ATP2A3: variants seen among roughly 807,000 people sequenced by gnomAD.
The protein encoded by ATP2A3 is ATPase sarcoplasmic/endoplasmic reticulum Ca2+ transporting 3, also known as sarcoplasmic/endoplasmic reticulum calcium ATPase 3.
A neutral mutation model predicts 106.8 loss-of-function variants in ATP2A3; 61 were observed. The ratio of observed to expected loss-of-function variants is 0.57; its 90% confidence interval spans 0.46 to 0.71. ATP2A3 has a LOEUF of 0.71. Among genes scored for constraint, ATP2A3 ranks in the 30% least tolerant of loss-of-function variants. ATP2A3 has a pLI of 0.00. For missense variants in ATP2A3, 1,201 were observed against 1,423.5 expected (o/e 0.84, Z 2.52); for synonymous variants, 611 against 609.3 (o/e 1.00, Z -0.04).
chr17:3,958,731 CACATATATATAGA>C, intron 1 of ATP2A3, among the ~76,000 whole-genome samples: 1 of 76,266 alleles, frequency 1.3e-5, no homozygotes, highest in Non-Finnish European at 2.5e-5. Flanking sequence ...CATATATATA[CACATATATATAGA>C]CACACATATA....
intron 14 of ATP2A3, 87 bp downstream of exon 14, chr17:3,940,884 C>T: frequency 7.0e-7 from 1 of 1,425,260 alleles, no homozygotes; most frequent in Non-Finnish European, 9.9e-7. Context: ...AAGAATGAGG[C>T]AGAGGGGAGA....
intron 1 of ATP2A3, among the ~76,000 whole-genome samples, chr17:3,954,746 C>A (rs1246139284): frequency 6.6e-6 from 1 of 152,044 alleles, no homozygotes; most frequent in Non-Finnish European, 1.5e-5. Context: ...CTGCCCGCCT[C>A]GGCCTCCCAA....
intron 14 of ATP2A3, among the ~76,000 whole-genome samples, chr17:3,939,015 A>C (rs982411697): frequency 1.3e-4 from 20 of 152,138 alleles, no homozygotes; most frequent in Admixed American, 1.2e-3. Context: ...AAAAATTAAA[A>C]AATTAGCCAG....
Position 3,930,604 on chromosome 17 carries a change from C to T in ATP2A3, c.2611-170G>A, listed in dbSNP as rs940302995. The T allele has an allele frequency of 6.0e-5, 38 of 633,442 alleles. No individual in the cohort carries two copies. The Middle Eastern group carries it at 1.9e-3, about 31-fold the overall frequency. The allele number at this position is 633,442 out of a possible 1,614,324, so 39.2% of individuals were successfully genotyped here. ...CGGGAGGGGTGCGGGGTCGGGGCGGCGGTGGGGAGAGCTGCACCGTGCCAG... is the reference window on the plus strand; with the variant it reads ...CGGGAGGGGTGCGGGGTCGGGGCGGTGGTGGGGAGAGCTGCACCGTGCCAG... On this transcript the variant is annotated intron_variant, in intron 17 of 20. Coordinates refer to ENST00000397041, the MANE Select transcript of ATP2A3 (RefSeq NM_005173.4). This position sits in a 1 kb window ranked among gnomAD's most constrained non-coding sequence, Gnocchi z 5.4.
At chr17:3,934,742 C>T (rs558163096) in intron 17 of ATP2A3, among the ~76,000 whole-genome samples, 10 of 151,122 alleles carry the variant, frequency 6.6e-5, no homozygotes, top group East Asian at 2.0e-4. Flanking sequence ...CGGCTGGTCT[C>T]GAACTCCTGA....
chr17:3,949,127 C>CAAAA (rs869265323), intron 7 of ATP2A3, among the ~76,000 whole-genome samples: 2 of 60,010 alleles, frequency 3.3e-5, no homozygotes, highest in African/African-American at 7.3e-5. Flanking sequence ...GACTCTGTCT[C>CAAAA]AAAAAAAAAA....
intron 8 of ATP2A3, among the ~76,000 whole-genome samples, chr17:3,945,558 A>T (rs1173270817): frequency 6.6e-6 from 1 of 152,192 alleles, no homozygotes; most frequent in African/African-American, 2.4e-5. Flanking sequence ...GCCTTCAAGG[A>T]AATGAGTTCC....
intron 1 of ATP2A3, among the ~76,000 whole-genome samples, chr17:3,960,335 C>T (rs532425725): frequency 2.6e-5 from 4 of 152,348 alleles, no homozygotes; most frequent in East Asian, 1.9e-4. Context: ...AGAGCCAAGA[C>T]GCCGCTGGCA....
At chr17:3,939,951 G>T (rs2053653350) in intron 14 of ATP2A3, among the ~76,000 whole-genome samples, 1 of 149,858 alleles carries the variant, frequency 6.7e-6, no homozygotes, top group Non-Finnish European at 1.5e-5. Flanking sequence ...CGAAAACAGT[G>T]ATCGCCTGTT....
chr17:3,939,560 G>C (rs532987246), intron 14 of ATP2A3, among the ~76,000 whole-genome samples: 16 of 151,992 alleles, frequency 1.1e-4, no homozygotes, highest in Middle Eastern at 3.4e-3. Flanking sequence ...AGGCTGAGGC[G>C]GGCGGATCAC....
intron 17 of ATP2A3, among the ~76,000 whole-genome samples, chr17:3,931,861 G>C (rs1199886337): frequency 6.6e-6 from 1 of 152,172 alleles, no homozygotes; most frequent in African/African-American, 2.4e-5. Context: ...CATGTGCTGT[G>C]AACATAATCC....
At position 3,942,716 on chromosome 17, in the gene ATP2A3, T is replaced by A; in HGVS notation, c.1435A>T (p.Met479Leu). ...AACTCCAGGGTGAACTCCTTCCGCA[T>A]CAGCTGCTTGATGACCTGCGGGGTC... is the stretch of plus-strand genomic sequence containing the variant. ...GACNTVIKQL[M>L]RKEFTLEFSR... Residue 479 changes from methionine to leucine, a missense_variant, in exon 12 of 21, where the codon ATG becomes TTG. Transcript: ENST00000397041. 1.9e-6 allele frequency: 3 copies of A among 1,613,314 alleles called. No individual in the cohort carries two copies. Among genetic ancestry groups the A allele is most frequent in the Non-Finnish European group, 2.5e-6 (3 of 1,179,890 alleles).
intron 1 of ATP2A3, among the ~76,000 whole-genome samples, chr17:3,960,368 A>G (rs1597687090): frequency 6.6e-6 from 1 of 152,246 alleles, no homozygotes; most frequent in South Asian, 2.1e-4. Flanking sequence ...TGGACCACTC[A>G]TCCCACCTGG....
intron 10 of ATP2A3, 106 bp downstream of exon 10, chr17:3,944,598 C>A (rs966066791): frequency 1.6e-6 from 2 of 1,215,308 alleles, no homozygotes; most frequent in Non-Finnish European, 2.4e-6. Flanking sequence ...GGGTGTGGCA[C>A]TTCCAGGGAG....
chr17:3,954,362 C>A (rs2054632479), intron 1 of ATP2A3, among the ~76,000 whole-genome samples: 1 of 151,900 alleles, frequency 6.6e-6, no homozygotes, highest in African/African-American at 2.4e-5. Context: ...GGTGCAGTCC[C>A]CCCCAGGCCC....
chr17:3,953,274 G>A lies in ATP2A3; in HGVS notation c.219+73C>T, dbSNP rs1055725105. ...GGACAGGCCCAGGCTCCAGGACCTC[G>A]GAGCACTGCCCAGCCTGGCTCTCCC... On this transcript the variant is annotated intron_variant, in intron 3 of 20. Coordinates refer to ENST00000397041, the MANE Select transcript of ATP2A3 (RefSeq NM_005173.4). The surrounding 1 kb of genome is among the most constrained non-coding windows in gnomAD (Gnocchi z 5.1). 46 of 1,533,520 alleles carry A rather than the reference G, an allele frequency of 3.0e-5. No individual in the cohort carries two copies. In the Admixed American group the frequency reaches 3.3e-4, roughly 11 times the overall value. The allele number at this position is 1,533,520 out of a possible 1,614,324, so 95.0% of individuals were successfully genotyped here.
chr17:3,943,921 TC>T (rs2053931839), intron 10 of ATP2A3, among the ~76,000 whole-genome samples: 1 of 151,958 alleles, frequency 6.6e-6, no homozygotes, highest in South Asian at 2.1e-4. Flanking sequence ...AGGCCACCTC[TC>T]CCACTCTCTG....
rs2054727167 is a variant in ATP2A3, at chr17:3,955,602, G to A, written c.119-1892C>T. On this transcript the variant is annotated intron_variant, in intron 1 of 20. Coordinates refer to ENST00000397041, the MANE Select transcript of ATP2A3 (RefSeq NM_005173.4). The surrounding 1 kb of genome is among the most constrained non-coding windows in gnomAD (Gnocchi z 4.2). ...GTTTCTGGGCCAATTCTCCAATGGA[G>A]CAGTGTGCTTTCGAGGTCACCCCAG... is the stretch of plus-strand genomic sequence containing the variant. Among the ~76,000 whole-genome samples, 1 of 152,216 alleles carries A rather than the reference G, an allele frequency of 6.6e-6. No individual in the cohort carries two copies. Among genetic ancestry groups the A allele is most frequent in the Non-Finnish European group, 1.5e-5 (1 of 68,036 alleles).
In ATP2A3 at chr17:3,926,760, G is replaced by C; in HGVS notation, c.2981-1319C>G. ...AATTTTTGTATCTTTAGTAGAGATGGGGTTTCACCATGTTGGCCAGGCTGG... is the reference window on the plus strand; with the variant it reads ...AATTTTTGTATCTTTAGTAGAGATGCGGTTTCACCATGTTGGCCAGGCTGG... On this transcript the variant is annotated intron_variant, in intron 20 of 20. Transcript: ENST00000397041. The surrounding 1 kb of genome is among the most constrained non-coding windows in gnomAD (Gnocchi z 4.6). 1 of 656,772 alleles carries C rather than the reference G, an allele frequency of 1.5e-6. No homozygotes were observed. Among genetic ancestry groups the C allele is most frequent in the East Asian group, 1.4e-4 (1 of 7,266 alleles). The allele number at this position is 656,772 out of a possible 1,614,324, so 40.7% of individuals were successfully genotyped here. A position where few individuals can be genotyped will look rare whatever the true frequency, so the allele number is the denominator to read the frequency against.
Sources: gnomAD v4.1 joint callset for allele counts (sites outside exome capture counted in the v4.1 genomes callset) on GRCh38, gnomAD v4.1.1 for gene constraint, Gnocchi (gnomAD v3.1) non-coding constraint, MANE v1.5 for transcripts, NCBI Gene and HGNC (gene_info 2026-07-23, HGNC 2026-07-21) for gene names.